CENPT: variants seen among roughly 807,000 people sequenced by gnomAD.
CENPT encodes the protein interphase centromere complex protein 22.
In CENPT, 42 loss-of-function variants were observed where a neutral mutation model predicts 59.7. That is an observed-to-expected ratio of 0.70 (90% CI 0.55 to 0.91). The LOEUF is 0.91. CENPT is among the 40% of genes least tolerant of loss of function. The probability of loss-of-function intolerance (pLI) is 0.00; values close to 1 mark genes in which losing one functional copy is unlikely to be tolerated. For missense variants in CENPT, 716 were observed against 713.4 expected, an observed-to-expected ratio of 1.00 and a Z score of -0.04; for synonymous variants, 295 against 289.6, an observed-to-expected ratio of 1.02 and a Z score of -0.19.
At chr16:67,828,878 G>A (rs555320639) in intron 13 of CENPT, 35 bp from the exon 14 acceptor site, 29 of 1,543,544 alleles carry the variant, frequency 1.9e-5, no homozygotes, top group South Asian at 1.0e-4. Context: ...GGCTGAACTT[G>A]CCTCAAGGAG....
At chr16:67,830,349 A>C (rs751187352) in intron 11 of CENPT, 41 bp downstream of exon 11, 1 of 1,580,214 alleles carries the variant, frequency 6.3e-7, no homozygotes, top group South Asian at 1.2e-5. Context: ...ACTCTCACCC[A>C]AGCTAAATTT....
chr16:67,833,811 G>A lies in CENPT; in HGVS notation c.49C>T (p.Arg17Ter). 1.3e-6 allele frequency: 2 copies of A among 1,576,102 alleles called. No individual in the cohort carries two copies. The highest frequency in any genetic ancestry group is 1.7e-6 in the Non-Finnish European group (2 of 1,163,410). Residue 17 changes from arginine to a stop codon, truncating the protein, a stop_gained, in exon 4 of 16, where the codon CGA becomes TGA. Coordinates refer to ENST00000562787, the MANE Select transcript of CENPT (RefSeq NM_025082.4). LOFTEE classifies it high-confidence loss of function. ...DSDSTPRTLL[R>*]RVLDTADPRT... The stretch of plus-strand genomic sequence containing the variant: ...GGGTCCGCTGTATCCAGCACGCGTC[G>A]CAGCAGCGTGCGCGGCGTGGAGTCG...
rs921303526 is a variant in CENPT at position 67,832,321 on chromosome 16, G to A, written c.202-6C>T. On this transcript the variant is annotated splice_region_variant and splice_polypyrimidine_tract_variant and intron_variant, in intron 5 of 15. Coordinates refer to ENST00000562787, the MANE Select transcript of CENPT (RefSeq NM_025082.4). ...TGGGCCGATCTGCCAACAGACTATC[G>A]GCAAAGCACCAAGCAACCAGTCTGT... The A allele has an allele frequency of 9.9e-6, 16 of 1,613,924 alleles. No homozygotes were observed. Among genetic ancestry groups the A allele is most frequent in the African/African-American group, 4.0e-5 (3 of 74,906 alleles).
intron 1 of CENPT, among the ~76,000 whole-genome samples, 175 bp from the exon 2 acceptor site, chr16:67,835,833 T>TG (rs2057731938): frequency 6.6e-6 from 1 of 152,148 alleles, no homozygotes; most frequent in African/African-American, 2.4e-5. Context: ...ATGCAGTTTT[T>TG]TTTTTGTTTT....
chr16:67,842,841 G>C lies in CENPT; in HGVS notation c.-492+4560C>G. The C allele has an allele frequency of 6.2e-7, 1 of 1,607,726 alleles. No individual in the cohort carries two copies. The highest frequency in any genetic ancestry group is 8.5e-7 in the Non-Finnish European group (1 of 1,179,022). On this transcript the variant is annotated intron_variant, in intron 1 of 15. Transcript: ENST00000562787. The surrounding 1 kb of genome is among the most constrained non-coding windows in gnomAD (Gnocchi z 4.9). ...CGCAAAGTAGCGCGCAGACCCGCTG[G>C]GGCCGCGGCCGCCCGCCGCAGGCAG...
chr16:67,837,538 C>A (rs1362116071), intron 1 of CENPT, among the ~76,000 whole-genome samples: 1 of 151,990 alleles, frequency 6.6e-6, no homozygotes, highest in African/African-American at 2.4e-5. Flanking sequence ...GAAACCCTGT[C>A]TCTACTAAAA....
In CENPT at chr16:67,831,218, G is replaced by A. The variant is rs560392321; in HGVS notation, c.701C>T (p.Pro234Leu). Residue 234 changes from proline (P) to leucine (L), a missense_variant and splice_region_variant, in exon 10 of 16, where the codon CCA becomes CTA. By Grantham distance (98) the Pro-to-Leu change is moderately conservative (BLOSUM62 -3). Transcript: ENST00000562787. Reference sequence around the variant, plus strand: ...AGCAGGGGAAAACCCAACCTTACTTGGAGGAGCCAGGGAAGTATCTCGCAG... The same window carrying A: ...AGCAGGGGAAAACCCAACCTTACTTAGAGGAGCCAGGGAAGTATCTCGCAG... The part of the protein sequence containing the change: ...RDLRDTSLAP[P>L]NIVLEDTQPF... The A allele has an allele frequency of 6.2e-7, 1 of 1,613,934 alleles. No homozygotes were observed. Among genetic ancestry groups the A allele is most frequent in the East Asian group, 2.2e-5 (1 of 44,848 alleles).
intron 11 of CENPT, 50 bp from the exon 12 acceptor site, chr16:67,830,138 G>A (rs2057671619): frequency 6.4e-7 from 1 of 1,559,096 alleles, no homozygotes; most frequent in Non-Finnish European, 8.8e-7. Flanking sequence ...GGCCAAGGCT[G>A]CATAGCTCAG....
intron 11 of CENPT, 72 bp downstream of exon 11, chr16:67,830,318 G>A: frequency 3.2e-6 from 5 of 1,539,298 alleles, no homozygotes; most frequent in East Asian, 4.5e-5. Context: ...GGGGCTTGAG[G>A]AAGGAAAACT....
In CENPT at chr16:67,833,867, G is replaced by T; in HGVS notation, c.-8C>A. The T allele has an allele frequency of 6.7e-7, 1 of 1,501,490 alleles. No homozygotes were observed. The allele number at this position is 1,501,490 out of a possible 1,614,324, so 93.0% of individuals were successfully genotyped here. ...AGGGTTGTGGTCAGCCATCGTCTCG[G>T]CCCCGGGCCCTCCTAACCGCCCAGC... On this transcript the variant is annotated 5_prime_UTR_variant, in exon 4 of 16. Transcript: ENST00000562787.
Position 67,843,622 on chromosome 16 carries a change from A to AGAGTCCAGCTGC in CENPT, c.-492+3778_-492+3779insGCAGCTGGACTC. On this transcript the variant is annotated intron_variant, in intron 1 of 15. Coordinates refer to ENST00000562787, the MANE Select transcript of CENPT (RefSeq NM_025082.4). This position sits in a 1 kb window ranked among gnomAD's most constrained non-coding sequence, Gnocchi z 5.7. Reference sequence around the variant, plus strand: ...CAGTACTGAGGCTTAAGGCAGCTGGACTCTCTTGCTGGTGACCTGGCATCC... The same window carrying AGAGTCCAGCTGC: ...CAGTACTGAGGCTTAAGGCAGCTGGAGAGTCCAGCTGCCTCTCTTGCTGGTGACCTGGCATCC... 2 of 1,005,944 alleles carry AGAGTCCAGCTGC rather than the reference A, an allele frequency of 2.0e-6. No homozygotes were observed. Among genetic ancestry groups the AGAGTCCAGCTGC allele is most frequent in the Non-Finnish European group, 2.9e-6 (2 of 697,776 alleles). The allele number at this position is 1,005,944 out of a possible 1,614,324, so 62.3% of individuals were successfully genotyped here. A position where few individuals can be genotyped will look rare whatever the true frequency, so the allele number is the denominator to read the frequency against.
At chr16:67,829,563 C>T in intron 12 of CENPT, 47 bp from the exon 13 acceptor site, 6 of 1,515,330 alleles carry the variant, frequency 4.0e-6, no homozygotes, top group Non-Finnish European at 5.4e-6. Context: ...GCCTGACCAT[C>T]TCACCCAGGC....
rs1018801133 is a variant in CENPT, at chr16:67,830,979, C to A, written c.703+237G>T. On this transcript the variant is annotated intron_variant, in intron 10 of 15. Coordinates refer to ENST00000562787, the MANE Select transcript of CENPT (RefSeq NM_025082.4). ...AAGTTTTGGCCACCACACCACACCC[C>A]TTTACAACCTCCAGCCCTATAGTCT... is the stretch of plus-strand genomic sequence containing the variant. 1.0e-5 allele frequency: 6 copies of A among 595,744 alleles called. No individual in the cohort carries two copies. The Admixed American group carries it at 1.8e-4, about 18-fold the overall frequency. The allele number at this position is 595,744 out of a possible 1,614,324, so 36.9% of individuals were successfully genotyped here. A position where few individuals can be genotyped will look rare whatever the true frequency, so the allele number is the denominator to read the frequency against.
chr16:67,844,361 A>C (rs1009916135), intron 1 of CENPT, among the ~76,000 whole-genome samples: 1 of 152,200 alleles, frequency 6.6e-6, no homozygotes, highest in African/African-American at 2.4e-5. Context: ...TCCTGGCCTT[A>C]TAAGGTCCTC....
In CENPT at chr16:67,828,329, C is replaced by G; in HGVS notation, c.1624G>C (p.Glu542Gln). Residue 542 changes from glutamate (E) to glutamine (Q), a missense_variant, in exon 16 of 16, where the codon GAG becomes CAG. Transcript: ENST00000562787. Reference protein sequence around the residue: ...HVLVERHLPLEYRQLLIPCAY... With the variant: ...HVLVERHLPLQYRQLLIPCAY... ...CAGGGGATGAGCAGCTGCCGGTACT[C>G]CAGGGGCAGGTGCCGCTCCACTAGC... The G allele has an allele frequency of 6.2e-7, 1 of 1,609,514 alleles. No homozygotes were observed. Among genetic ancestry groups the G allele is most frequent in the African/African-American group, 1.3e-5 (1 of 74,928 alleles).
chr16:67,830,172 G>T, intron 11 of CENPT, 84 bp from the exon 12 acceptor site: 1 of 1,390,200 alleles, frequency 7.2e-7, no homozygotes, highest in Non-Finnish European at 1.0e-6. Flanking sequence ...TGGACCAGCA[G>T]ACCCAGTCCT....
At chr16:67,844,446 T>A (rs1382949827) in intron 1 of CENPT, among the ~76,000 whole-genome samples, 1 of 152,218 alleles carries the variant, frequency 6.6e-6, no homozygotes, top group African/African-American at 2.4e-5. Context: ...CCATGGATTA[T>A]CTCCCTGTAT....
Position 67,843,244 on chromosome 16 carries a change from G to C in CENPT, c.-492+4157C>G, listed in dbSNP as rs779498338. 29 of 1,612,020 alleles carry C rather than the reference G, an allele frequency of 1.8e-5. No homozygotes were observed. In the Admixed American group the frequency reaches 4.8e-4, roughly 27 times the overall value. On this transcript the variant is annotated intron_variant, in intron 1 of 15. Coordinates refer to ENST00000562787, the MANE Select transcript of CENPT (RefSeq NM_025082.4). This position sits in a 1 kb window ranked among gnomAD's most constrained non-coding sequence, Gnocchi z 5.7. ...AGTGCCCTATGGGCCCCCAGTTGGT[G>C]GTGGTAGGGGAAGAGGGCTTCCCTG... is the stretch of plus-strand genomic sequence containing the variant.
Position 67,831,847 on chromosome 16 carries a change from C to A in CENPT, c.430G>T (p.Ala144Ser). Residue 144 changes from alanine (A) to serine (S), a missense_variant, in exon 8 of 16, where the codon GCT (alanine) becomes TCT (serine). Coordinates refer to ENST00000562787, the MANE Select transcript of CENPT (RefSeq NM_025082.4). The part of the protein sequence containing the change: ...LPELEPPTTL[A>S]PGLLAPGRRK... ...CTGCCAGGGGCCAGCAGACCTGGAG[C>A]CAGGGTTGTGGGGGGCTCGAGCTCA... The A allele has an allele frequency of 1.9e-6, 3 of 1,610,914 alleles. No homozygotes were observed. Among genetic ancestry groups the A allele is most frequent in the East Asian group, 2.2e-5 (1 of 44,854 alleles).
Sources: allele counts gnomAD v4.1 joint callset (sites outside exome capture counted in the v4.1 genomes callset), GRCh38; gene constraint gnomAD v4.1.1; non-coding constraint Gnocchi (gnomAD v3.1); transcripts MANE v1.5; gene names NCBI Gene and HGNC (gene_info 2026-07-23, HGNC 2026-07-21).